PARD3B: variants seen among roughly 807,000 people sequenced by gnomAD.
PARD3B encodes partitioning defective 3 homolog B.
In PARD3B, 103 loss-of-function variants were observed where a neutral mutation model predicts 130.2. The ratio of observed to expected loss-of-function variants is 0.79; its 90% CI spans 0.67 to 0.93. The LOEUF (loss-of-function observed/expected upper bound fraction) is 0.93. Among genes scored for constraint, PARD3B ranks in the 40% least tolerant of loss-of-function variants. The pLI is 0.00. For synonymous variants in PARD3B, 583 were observed against 553.2 expected, an observed-to-expected ratio of 1.05 and a Z score of -0.76; for missense variants, 1,609 against 1,499.2, an observed-to-expected ratio of 1.07 and a Z score of -1.21.
chr2:205,172,657 A>T (rs145210910), intron 12 of PARD3B, among the ~76,000 whole-genome samples: 2 of 152,216 alleles, frequency 1.3e-5, no homozygotes, highest in Non-Finnish European at 2.9e-5. Flanking sequence ...ACATCTTTAT[A>T]TACTTTTTTG....
chr2:204,997,700 A>G (rs1017197146), intron 3 of PARD3B, among the ~76,000 whole-genome samples: 4 of 151,812 alleles, frequency 2.6e-5, no homozygotes, highest in Non-Finnish European at 4.4e-5. Context: ...TTTTTTACTA[A>G]TTCTTATACT....
At chr2:205,026,780 T>C (rs1047520487) in intron 3 of PARD3B, among the ~76,000 whole-genome samples, 2 of 152,074 alleles carry the variant, frequency 1.3e-5, no homozygotes. Context: ...GAGATACTCT[T>C]TGTCTTTTGG....
At chr2:205,037,364 TATATATA>T (rs1698051481) in intron 3 of PARD3B, among the ~76,000 whole-genome samples, 11 of 145,972 alleles carry the variant, frequency 7.5e-5, no homozygotes, top group African/African-American at 1.2e-4. Context: ...TTGTATAAAA[TATATATA>T]GTGGACTATT....
intron 3 of PARD3B, among the ~76,000 whole-genome samples, chr2:205,004,695 G>T (rs965258407): frequency 6.6e-6 from 1 of 151,992 alleles, no homozygotes; most frequent in Admixed American, 6.6e-5. Context: ...AGATACATGG[G>T]GCAAATAAAT....
intron 21 of PARD3B, among the ~76,000 whole-genome samples, chr2:205,524,392 G>A (rs1575249950): frequency 6.6e-6 from 1 of 152,146 alleles, no homozygotes; most frequent in East Asian, 1.9e-4. Flanking sequence ...TAGAAGTTCA[G>A]CAGCTGAGAG....
intron 1 of PARD3B, among the ~76,000 whole-genome samples, chr2:204,631,375 A>C (rs968218035): frequency 3.3e-5 from 5 of 151,534 alleles, no homozygotes; most frequent in Non-Finnish European, 5.9e-5. Flanking sequence ...TCAGCCTCCC[A>C]AGTAGCTGAG....
intron 2 of PARD3B, among the ~76,000 whole-genome samples, chr2:204,725,425 T>C (rs2039181607): frequency 6.6e-6 from 1 of 152,202 alleles, no homozygotes; most frequent in Non-Finnish European, 1.5e-5. Flanking sequence ...GTAATTTTAC[T>C]TTGTAATTCT....
intron 19 of PARD3B, among the ~76,000 whole-genome samples, chr2:205,438,507 T>C (rs190316085): frequency 6.6e-6 from 1 of 152,238 alleles, no homozygotes; most frequent in African/African-American, 2.4e-5. Flanking sequence ...ACTTTATTGA[T>C]GTCCTTTGCT....
At chr2:204,712,594 A>G (rs1441952443) in intron 2 of PARD3B, among the ~76,000 whole-genome samples, 1 of 148,732 alleles carries the variant, frequency 6.7e-6, no homozygotes, top group Non-Finnish European at 1.5e-5. Flanking sequence ...AGCCTGGGTG[A>G]CAGAGCAAGA....
intron 2 of PARD3B, among the ~76,000 whole-genome samples, chr2:204,958,471 TGAA>T (rs1325842866): frequency 1.1e-4 from 17 of 152,196 alleles, no homozygotes; most frequent in Non-Finnish European, 2.4e-4. Context: ...TCTTGTATGA[TGAA>T]GAACAAGAAT....
intron 22 of PARD3B, among the ~76,000 whole-genome samples, chr2:205,596,716 T>G (rs2054584425): frequency 6.6e-6 from 1 of 152,134 alleles, no homozygotes; most frequent in Admixed American, 6.5e-5. Context: ...CCAAAATGTA[T>G]GTAATCATGT....
intron 2 of PARD3B, among the ~76,000 whole-genome samples, chr2:204,729,986 CACACACACACAA>C (rs1384299379): frequency 1.1e-4 from 14 of 132,302 alleles, no homozygotes; most frequent in South Asian, 7.4e-4. Flanking sequence ...GTTACAGATA[CACACACACACAA>C]ACACACACAC....
intron 2 of PARD3B, among the ~76,000 whole-genome samples, chr2:204,691,506 TCC>T (rs2037350730): frequency 6.6e-6 from 1 of 152,122 alleles, no homozygotes; most frequent in Non-Finnish European, 1.5e-5. Flanking sequence ...CAGTTTTATC[TCC>T]TATTAGTTAT....
At chr2:205,516,032 C>G (rs1237289965) in intron 21 of PARD3B, among the ~76,000 whole-genome samples, 1 of 152,120 alleles carries the variant, frequency 6.6e-6, no homozygotes, top group Admixed American at 6.6e-5. Flanking sequence ...GTTATCCCAG[C>G]ACCATTTATT....
chr2:205,420,761 C>T (rs566754307), intron 19 of PARD3B, among the ~76,000 whole-genome samples: 1 of 152,198 alleles, frequency 6.6e-6, no homozygotes, highest in African/African-American at 2.4e-5. Context: ...GGGATACTTC[C>T]CTTGTATTAT....
intron 1 of PARD3B, among the ~76,000 whole-genome samples, chr2:204,579,100 C>T (rs755492672): frequency 2.6e-5 from 4 of 150,970 alleles, no homozygotes; most frequent in African/African-American, 7.3e-5. Flanking sequence ...AGGCTGGGGG[C>T]GGGGATATGA....
At chr2:205,068,073 C>G (rs1393456024) in intron 4 of PARD3B, among the ~76,000 whole-genome samples, 8 of 151,900 alleles carry the variant, frequency 5.3e-5, no homozygotes, top group Non-Finnish European at 1.0e-4. Flanking sequence ...GGTTTTCTCC[C>G]ATTATCTGAA....
chr2:205,577,363 A>G lies in PARD3B; in HGVS notation c.3260+23960A>G, dbSNP rs376073548. On this transcript the variant is annotated intron_variant, in intron 22 of 22. Coordinates refer to ENST00000406610, the MANE Select transcript of PARD3B (RefSeq NM_001302769.2). ...ATCCTGTTTGCTGTTTCAAAAACCA[A>G]CCAAATGAAAACAATGTCCATCAGG... is the stretch of plus-strand genomic sequence containing the variant. Among the ~76,000 whole-genome samples the G allele has an allele frequency of 6.6e-5, 10 of 152,288 alleles. No homozygotes were observed. The East Asian group carries it at 1.7e-3, about 26-fold the overall frequency.
intron 16 of PARD3B, among the ~76,000 whole-genome samples, chr2:205,255,592 C>T (rs747239512): frequency 5.9e-5 from 9 of 152,256 alleles, no homozygotes; most frequent in African/African-American, 2.2e-4. Flanking sequence ...CTCTGACCAA[C>T]GAGCTGTAAT....
Sources: allele counts gnomAD v4.1 joint callset (sites outside exome capture counted in the v4.1 genomes callset), GRCh38; gene constraint gnomAD v4.1.1; transcripts MANE v1.5; gene names NCBI Gene and HGNC (gene_info 2026-07-23, HGNC 2026-07-21).